Variants in AUTS2 observed in about 807,000 individuals in gnomAD.
AUTS2 encodes autism susceptibility gene 2 protein.
A neutral mutation model predicts 112.4 loss-of-function variants in AUTS2; 17 were observed. That is an observed-to-expected ratio of 0.15 (90% CI 0.10 to 0.23). The LOEUF is 0.23. Among genes scored for constraint, AUTS2 ranks in the 10% least tolerant of loss-of-function variants. AUTS2 has a pLI of 1.00. For synonymous variants in AUTS2, 751 were observed against 702.7 expected, an observed-to-expected ratio of 1.07 and a Z score of -1.09; for missense variants, 1,510 against 1,701.6, an observed-to-expected ratio of 0.89 and a Z score of 1.98.
At chr7:70,769,040 T>C (rs888165068) in intron 10 of AUTS2, among the ~76,000 whole-genome samples, 1 of 152,204 alleles carries the variant, frequency 6.6e-6, no homozygotes, top group Non-Finnish European at 1.5e-5. Flanking sequence ...TTCATTCATA[T>C]TCTGAACCAG....
intron 4 of AUTS2, among the ~76,000 whole-genome samples, chr7:70,365,246 C>G (rs137893032): frequency 6.6e-6 from 1 of 152,156 alleles, no homozygotes; most frequent in Non-Finnish European, 1.5e-5. Flanking sequence ...ATCACCAACC[C>G]GGATACAAAG....
intron 6 of AUTS2, among the ~76,000 whole-genome samples, chr7:70,715,027 C>G (rs1810278591): frequency 6.6e-6 from 1 of 152,222 alleles, no homozygotes; most frequent in Non-Finnish European, 1.5e-5. Context: ...CAGAGGGTGA[C>G]TTTTCTAGCA....
At chr7:70,764,010 GA>G (rs1270016066) in intron 7 of AUTS2, among the ~76,000 whole-genome samples, 2 of 152,196 alleles carry the variant, frequency 1.3e-5, no homozygotes, top group Non-Finnish European at 2.9e-5. Flanking sequence ...AAGAGAGGCA[GA>G]AACCCAGTGT....
chr7:70,303,816 A>C (rs1562865623), intron 4 of AUTS2, among the ~76,000 whole-genome samples: 1 of 152,176 alleles, frequency 6.6e-6, no homozygotes, highest in Non-Finnish European at 1.5e-5. Flanking sequence ...AGCAAGAACT[A>C]CAAAAACATA....
chr7:69,703,192 A>C (rs1195709088), intron 1 of AUTS2, among the ~76,000 whole-genome samples: 1 of 152,064 alleles, frequency 6.6e-6, no homozygotes, highest in Non-Finnish European at 1.5e-5. Context: ...GGTAGGGGGA[A>C]TCATTACTTC....
At chr7:70,146,846 G>A (rs1219291383) in intron 4 of AUTS2, among the ~76,000 whole-genome samples, 1 of 152,106 alleles carries the variant, frequency 6.6e-6, no homozygotes, top group Non-Finnish European at 1.5e-5. Flanking sequence ...TATTTTGGAA[G>A]AAAGCTATGC....
intron 5 of AUTS2, among the ~76,000 whole-genome samples, chr7:70,612,901 A>G (rs1804168911): frequency 6.6e-6 from 1 of 151,890 alleles, no homozygotes; most frequent in Non-Finnish European, 1.5e-5. Context: ...GGTGTAGAAA[A>G]TGAGGGCAGT....
intron 4 of AUTS2, among the ~76,000 whole-genome samples, chr7:70,248,283 A>G (rs1273814021): frequency 6.6e-6 from 1 of 151,776 alleles, no homozygotes; most frequent in Non-Finnish European, 1.5e-5. Flanking sequence ...TAATTTTTGT[A>G]TTTTTAGTAA....
chr7:69,965,149 C>T (rs746699175), intron 2 of AUTS2, among the ~76,000 whole-genome samples: 3 of 152,064 alleles, frequency 2.0e-5, no homozygotes, highest in South Asian at 2.1e-4. Flanking sequence ...GTGCATTTAC[C>T]GAGTTGCTTT....
intron 6 of AUTS2, among the ~76,000 whole-genome samples, chr7:70,708,101 C>G (rs762076355): frequency 1.3e-5 from 2 of 152,152 alleles, no homozygotes; most frequent in African/African-American, 2.4e-5. Flanking sequence ...CCTTTAAAAG[C>G]CACTTGGAAA....
intron 6 of AUTS2, among the ~76,000 whole-genome samples, chr7:70,755,127 T>C (rs1789113004): frequency 6.6e-6 from 1 of 152,204 alleles, no homozygotes; most frequent in Non-Finnish European, 1.5e-5. Flanking sequence ...AGGTTTAATA[T>C]GCACCATGTT....
chr7:69,740,942 G>C (rs1787238382), intron 1 of AUTS2, among the ~76,000 whole-genome samples: 1 of 152,116 alleles, frequency 6.6e-6, no homozygotes, highest in Admixed American at 6.5e-5. Context: ...ATTTAAAGTG[G>C]CGATGGGCTT....
At chr7:70,354,490 C>T (rs1791904298) in intron 4 of AUTS2, among the ~76,000 whole-genome samples, 1 of 152,186 alleles carries the variant, frequency 6.6e-6, no homozygotes, top group Non-Finnish European at 1.5e-5. Flanking sequence ...TCTTAATCCT[C>T]TCAACAATCC....
intron 4 of AUTS2, among the ~76,000 whole-genome samples, chr7:70,284,510 T>C (rs1241080604): frequency 6.6e-6 from 1 of 152,156 alleles, no homozygotes; most frequent in African/African-American, 2.4e-5. Context: ...CATCTTTACC[T>C]ACTTGATTGG....
At chr7:70,645,768 C>T (rs1201541344) in intron 5 of AUTS2, among the ~76,000 whole-genome samples, 2 of 152,268 alleles carry the variant, frequency 1.3e-5, no homozygotes, top group South Asian at 4.1e-4. Flanking sequence ...GTGCTGTATT[C>T]TATGTCACAA....
At chr7:70,632,057 C>T (rs888388127) in intron 5 of AUTS2, among the ~76,000 whole-genome samples, 6 of 151,854 alleles carry the variant, frequency 4.0e-5, no homozygotes, top group Non-Finnish European at 8.8e-5. Flanking sequence ...AGTCATCTCT[C>T]CTGCTGGCAG....
chr7:69,926,817 TAA>T (rs1796034348), intron 2 of AUTS2, among the ~76,000 whole-genome samples: 1 of 146,542 alleles, frequency 6.8e-6, no homozygotes, highest in Admixed American at 6.9e-5. Flanking sequence ...TAAAGATATA[TAA>T]GATATATAGT....
chr7:70,426,396 TG>T (rs1795439985), intron 4 of AUTS2, among the ~76,000 whole-genome samples: 1 of 152,212 alleles, frequency 6.6e-6, no homozygotes, highest in Non-Finnish European at 1.5e-5. Flanking sequence ...GACATACAAA[TG>T]GCTTGCCCTC....
intron 1 of AUTS2, among the ~76,000 whole-genome samples, chr7:69,690,177 T>C (rs1363869063): frequency 1.3e-5 from 2 of 152,250 alleles, no homozygotes; most frequent in Non-Finnish European, 2.9e-5. Flanking sequence ...CAGTAAATAT[T>C]AGTCATGATT....
Sources: gnomAD v4.1 joint callset for allele counts (sites outside exome capture counted in the v4.1 genomes callset) on GRCh38, gnomAD v4.1.1 for gene constraint, MANE v1.5 for transcripts, NCBI Gene and HGNC (gene_info 2026-07-23, HGNC 2026-07-21) for gene names.